The following RBL1 variants were observed in gnomAD, a reference collection of about 807,000 sequenced individuals.
RBL1 encodes RB transcriptional corepressor like 1, also known as retinoblastoma-like protein 1.
A neutral mutation model predicts 123.0 loss-of-function variants in RBL1; 82 were observed. The observed-to-expected ratio is 0.67, with a 90% confidence interval of 0.56 to 0.80. The LOEUF is 0.80. Among genes scored for constraint, RBL1 ranks in the 30% least tolerant of loss-of-function variants. The pLI, the probability that RBL1 is intolerant of heterozygous loss-of-function variation, is 0.00. For synonymous variants in RBL1, 405 were observed against 441.3 expected (o/e 0.92, Z 1.03); for missense variants, 1,171 against 1,299.6 (o/e 0.90, Z 1.52).
At chr20:37,017,651 T>TGTGA (rs1234219930) in intron 19 of RBL1, among the ~76,000 whole-genome samples, 1 of 151,062 alleles carries the variant, frequency 6.6e-6, no homozygotes, top group Non-Finnish European at 1.5e-5. Flanking sequence ...TGTGTGTGTG[T>TGTGA]GACAGAGTCT....
intron 7 of RBL1, among the ~76,000 whole-genome samples, chr20:37,063,771 C>A (rs1049953232): frequency 2.6e-5 from 4 of 151,556 alleles, no homozygotes; most frequent in Admixed American, 6.6e-5. Context: ...CTCGGCCCCC[C>A]AAAGTGTTGG....
chr20:37,084,984 T>C (rs2065516769), intron 2 of RBL1, among the ~76,000 whole-genome samples: 1 of 152,110 alleles, frequency 6.6e-6, no homozygotes, highest in African/African-American at 2.4e-5. Flanking sequence ...CAGGCTGATC[T>C]TGAACTCCTG....
At chr20:37,049,931 G>A (rs904059402) in intron 11 of RBL1, among the ~76,000 whole-genome samples, 3 of 150,954 alleles carry the variant, frequency 2.0e-5, no homozygotes, top group South Asian at 2.1e-4. Flanking sequence ...GTGTGGTGGC[G>A]CATCCCTGTA....
intron 2 of RBL1, among the ~76,000 whole-genome samples, chr20:37,077,067 G>C (rs913860222): frequency 6.6e-6 from 1 of 151,624 alleles, no homozygotes; most frequent in Admixed American, 6.6e-5. Flanking sequence ...CTCCCGAATA[G>C]CTGGGACTAC....
chr20:37,030,344 G>A (rs1479392242), intron 16 of RBL1, among the ~76,000 whole-genome samples: 1 of 152,210 alleles, frequency 6.6e-6, no homozygotes, highest in African/African-American at 2.4e-5. Flanking sequence ...GGAAAGGGCA[G>A]TCTTTCAACA....
rs982240752 is a variant in RBL1 at position 37,035,146 on chromosome 20, A to G, written c.2170+96T>C. 22 of 1,255,120 alleles carry G rather than the reference A, an allele frequency of 1.8e-5. No individual in the cohort carries two copies. In the Admixed American group the frequency reaches 2.5e-4, roughly 15 times the overall value. 77.7% of individuals were successfully genotyped at this position (1,255,120 alleles called of 1,614,324 possible). A position where few individuals can be genotyped will look rare whatever the true frequency, so the allele number is the denominator to read the frequency against. On this transcript the variant is annotated intron_variant, in intron 15 of 21. Coordinates refer to ENST00000373664, the MANE Select transcript of RBL1 (RefSeq NM_002895.5). ...AAAAAAAGTATAGGTTCAAGAAAAA[A>G]TAATGAGTTAGAAAAACCATGTGAT... is the stretch of plus-strand genomic sequence containing the variant.
At chr20:37,043,475 A>C (rs959794252) in intron 13 of RBL1, among the ~76,000 whole-genome samples, 5 of 151,318 alleles carry the variant, frequency 3.3e-5, no homozygotes, top group Non-Finnish European at 5.9e-5. Context: ...TGGGTGACAG[A>C]GCAAGACTCC....
intron 11 of RBL1, among the ~76,000 whole-genome samples, chr20:37,054,890 T>C (rs1208303019): frequency 6.6e-6 from 1 of 151,944 alleles, no homozygotes; most frequent in African/African-American, 2.4e-5. Flanking sequence ...CATCAAGATA[T>C]TAGCGTAAAC....
rs1420218536 is a variant in RBL1, at chr20:36,996,434, C to A, written c.*2325G>T. 6.6e-6 allele frequency: 1 copy of A among 151,952 alleles called. No individual in the cohort carries two copies. Among genetic ancestry groups the A allele is most frequent in the African/African-American group, 2.4e-5 (1 of 41,354 alleles). The allele number at this position is 151,952 out of a possible 1,614,324, so 9.4% of individuals were successfully genotyped here. On this transcript the variant is annotated 3_prime_UTR_variant, in exon 22 of 22. Coordinates refer to ENST00000373664, the MANE Select transcript of RBL1 (RefSeq NM_002895.5). ...GTCCTGAAAACTGATAAAAACATGT[C>A]CAGAATTTCTTTTTTTCCTTTTCTG...
chr20:37,052,730 G>A (rs1214835645), intron 11 of RBL1, among the ~76,000 whole-genome samples: 2 of 152,064 alleles, frequency 1.3e-5, no homozygotes, highest in Admixed American at 6.6e-5. Context: ...GGCTGGTCTC[G>A]AACTCCTGAC....
chr20:37,087,379 T>A (rs528228535), intron 2 of RBL1, among the ~76,000 whole-genome samples: 2 of 151,674 alleles, frequency 1.3e-5, no homozygotes, highest in South Asian at 4.2e-4. Flanking sequence ...AGGTCAGGAC[T>A]TTGAGACAAG....
At chr20:37,066,698 C>A in intron 6 of RBL1, 26 bp downstream of exon 6, 1 of 1,585,394 alleles carries the variant, frequency 6.3e-7, no homozygotes, top group South Asian at 1.1e-5. Context: ...GTAAACATCT[C>A]AGTCATCTAA....
At chr20:37,085,938 C>T (rs1318363378) in intron 2 of RBL1, among the ~76,000 whole-genome samples, 1 of 151,802 alleles carries the variant, frequency 6.6e-6, no homozygotes. Flanking sequence ...CGTGAGCCAC[C>T]GCGCCCAGCC....
intron 19 of RBL1, among the ~76,000 whole-genome samples, chr20:37,012,557 C>T (rs1453203334): frequency 2.0e-5 from 3 of 150,804 alleles, no homozygotes; most frequent in South Asian, 2.1e-4. Flanking sequence ...CCGGCCGCGA[C>T]CCCGTCTGGG....
intron 16 of RBL1, among the ~76,000 whole-genome samples, chr20:37,029,375 C>T (rs1443567882): frequency 6.6e-6 from 1 of 152,110 alleles, no homozygotes; most frequent in Admixed American, 6.6e-5. Flanking sequence ...CCCTCAAATA[C>T]TGTATTTTCA....
At chr20:37,059,595 G>C (rs2065062800) in intron 9 of RBL1, among the ~76,000 whole-genome samples, 1 of 152,134 alleles carries the variant, frequency 6.6e-6, no homozygotes, top group Non-Finnish European at 1.5e-5. Context: ...CTGAAGTATT[G>C]ATGAGAATTC....
intron 7 of RBL1, among the ~76,000 whole-genome samples, chr20:37,063,113 C>T (rs976004698): frequency 1.3e-5 from 2 of 152,126 alleles, no homozygotes; most frequent in South Asian, 2.1e-4. Flanking sequence ...AGTCTCACTC[C>T]GTCACCCAAG....
chr20:37,093,278 T>TA (rs1269034933), intron 1 of RBL1, among the ~76,000 whole-genome samples: 2 of 151,030 alleles, frequency 1.3e-5, no homozygotes, highest in Non-Finnish European at 2.9e-5. Context: ...AAATTGATTT[T>TA]AAAAAAAGAG....
chr20:37,089,849 A>G (rs2065620088), intron 1 of RBL1, among the ~76,000 whole-genome samples: 1 of 152,116 alleles, frequency 6.6e-6, no homozygotes. Context: ...CCAGGGGTTC[A>G]AGACCAGCCT....
Sources: allele counts gnomAD v4.1 joint callset (sites outside exome capture counted in the v4.1 genomes callset), GRCh38; gene constraint gnomAD v4.1.1; transcripts MANE v1.5; gene names NCBI Gene and HGNC (gene_info 2026-07-23, HGNC 2026-07-21).